ADGRE3: variants seen among roughly 807,000 people sequenced by gnomAD.
ADGRE3 encodes adhesion G protein-coupled receptor E3.
Under a neutral mutation model 80.1 loss-of-function variants are expected in ADGRE3, and 88 were observed. The observed-to-expected ratio is 1.10, with a 90% CI of 0.93 to 1.31. The LOEUF (loss-of-function observed/expected upper bound fraction) is 1.31. Ranked by LOEUF, ADGRE3 falls within the 40% of genes most tolerant of loss-of-function variation. The pLI is 0.00. For missense variants in ADGRE3, 715 were observed against 776.5 expected (o/e 0.92, Z 0.94); for synonymous variants, 281 against 294.8 (o/e 0.95, Z 0.48).
At chr19:14,641,025 A>G (rs993136226) in intron 10 of ADGRE3, among the ~76,000 whole-genome samples, 2 of 152,128 alleles carry the variant, frequency 1.3e-5, no homozygotes, top group African/African-American at 2.4e-5. Flanking sequence ...TGATACTAGT[A>G]AGCCTTTATC....
chr19:14,660,937 CTTTTT>C (rs35730102), intron 4 of ADGRE3, among the ~76,000 whole-genome samples: 1 of 83,482 alleles, frequency 1.2e-5, no homozygotes, highest in African/African-American at 4.7e-5. Flanking sequence ...GTCATATTTC[CTTTTT>C]TTTTTTTTTT....
intron 7 of ADGRE3, among the ~76,000 whole-genome samples, chr19:14,648,565 TCATTTTA>T: frequency 6.6e-6 from 1 of 152,330 alleles, no homozygotes; most frequent in Admixed American, 6.5e-5. Flanking sequence ...CTGTGATAGT[TCATTTTA>T]CATGTCCACT....
At chr19:14,643,077 C>T (rs1052930630) in intron 9 of ADGRE3, among the ~76,000 whole-genome samples, 1 of 151,746 alleles carries the variant, frequency 6.6e-6, no homozygotes. Context: ...TCTGCTACCT[C>T]ACCAGCATCT....
chr19:14,624,477 C>T (rs150355031), intron 15 of ADGRE3, among the ~76,000 whole-genome samples: 11 of 151,786 alleles, frequency 7.2e-5, no homozygotes, highest in East Asian at 1.9e-4. Context: ...AAATATAGGC[C>T]GGGTGTGGTG....
intron 10 of ADGRE3, 93 bp from the exon 11 acceptor site, chr19:14,638,433 C>T: frequency 5.8e-6 from 5 of 864,672 alleles, no homozygotes; most frequent in Non-Finnish European, 9.2e-6. Flanking sequence ...TTCAGAGCAC[C>T]TGACATCAGA....
chr19:14,600,831 T>C, the ADGRE3 span, among the ~76,000 whole-genome samples: 1,804 of 150,732 alleles, frequency 0.012, 33 homozygotes, highest in African/African-American at 0.041. Flanking sequence ...CCTCGTGATC[T>C]GCCCGCCTCG....
In ADGRE3 at chr19:14,663,503, G is replaced by C. The variant is rs775794636; in HGVS notation, c.114C>G (p.Val38=). 1 of 1,613,386 alleles carries C rather than the reference G, an allele frequency of 6.2e-7. No homozygotes were observed. Among genetic ancestry groups the C allele is most frequent in the South Asian group, 1.1e-5 (1 of 91,066 alleles). Residue 38 remains valine, a synonymous_variant, in exon 3 of 16, where the codon GTC becomes GTG. Transcript: ENST00000253673. ...GGTTGCAGGTGCAGTGAGTGTTATTGACACAGGAAGCATTTGGGGGGCACT... is the reference window on the plus strand; with the variant it reads ...GGTTGCAGGTGCAGTGAGTGTTATTCACACAGGAAGCATTTGGGGGGCACT... The part of the protein sequence containing the change: ...CAKCPPNASC[V]NNTHCTCNHG...
At chr19:14,664,164 G>T (rs1338259860) in intron 2 of ADGRE3, among the ~76,000 whole-genome samples, 1 of 152,106 alleles carries the variant, frequency 6.6e-6, no homozygotes, top group Non-Finnish European at 1.5e-5. Flanking sequence ...TTAGCCGGGT[G>T]TGGTGGCAGG....
intron 6 of ADGRE3, 81 bp downstream of exon 6, chr19:14,654,901 A>ATTTTTTTT: frequency 2.9e-6 from 3 of 1,042,282 alleles, no homozygotes; most frequent in African/African-American, 3.3e-5. Context: ...GGTGTATTCA[A>ATTTTTTTT]TTTTTTTTTT....
Position 14,630,214 on chromosome 19 carries a change from G to A in ADGRE3, c.1644-7C>T. 6.3e-7 allele frequency: 1 copy of A among 1,595,340 alleles called. No individual in the cohort carries two copies. The highest frequency in any genetic ancestry group is 8.5e-7 in the Non-Finnish European group (1 of 1,169,858). On this transcript the variant is annotated splice_polypyrimidine_tract_variant and splice_region_variant and intron_variant, in intron 13 of 15. Transcript: ENST00000253673. ...TGCTTTGAAAGCCAGCATCCTGGGA[G>A]GAGGAAGTCAGAGATTAGGATGTCA...
chr19:14,635,256 C>A (rs1032678323), intron 11 of ADGRE3, among the ~76,000 whole-genome samples: 1 of 151,850 alleles, frequency 6.6e-6, no homozygotes, highest in African/African-American at 2.4e-5. Context: ...ACCACCGTGT[C>A]CAGCTAATTA....
intron 14 of ADGRE3, among the ~76,000 whole-genome samples, chr19:14,627,191 C>T (rs1366697982): frequency 6.6e-6 from 1 of 152,132 alleles, no homozygotes; most frequent in Non-Finnish European, 1.5e-5. Context: ...AACCCCCACC[C>T]CAGTAATGAC....
intron 1 of ADGRE3, among the ~76,000 whole-genome samples, chr19:14,673,170 G>C (rs540215053): frequency 2.6e-5 from 4 of 152,348 alleles, no homozygotes; most frequent in African/African-American, 9.6e-5. Flanking sequence ...TTTAAGTGTA[G>C]CTTGTATTAT....
intron 15 of ADGRE3, among the ~76,000 whole-genome samples, chr19:14,620,461 T>TATATGTATCTTC (rs1970522554): frequency 7.3e-6 from 1 of 136,454 alleles, no homozygotes; most frequent in Non-Finnish European, 1.6e-5. Context: ...TATATGAATA[T>TATATGTATCTTC]ATGAATATAT....
chr19:14,608,628 ATTT>A, the ADGRE3 span, among the ~76,000 whole-genome samples: 186 of 119,716 alleles, frequency 1.6e-3, no homozygotes, highest in African/African-American at 5.2e-3. Flanking sequence ...ATGAGGAAGA[ATTT>A]TTTTTTTTTT....
At chr19:14,604,552 C>A in the ADGRE3 span, among the ~76,000 whole-genome samples, 1 of 152,114 alleles carries the variant, frequency 6.6e-6, no homozygotes, top group South Asian at 2.1e-4. Context: ...CACCTGAGGT[C>A]AGGAGTTTGA....
intron 1 of ADGRE3, among the ~76,000 whole-genome samples, chr19:14,670,263 C>G (rs1374109567): frequency 6.6e-6 from 1 of 152,076 alleles, no homozygotes; most frequent in Non-Finnish European, 1.5e-5. Context: ...TTTGGGCTTC[C>G]TTCAAACATG....
Position 14,670,824 on chromosome 19 carries a change from C to T in ADGRE3, c.26-1972G>A, listed in dbSNP as rs1415977743. Among the ~76,000 whole-genome samples the T allele has an allele frequency of 3.3e-5, 5 of 152,336 alleles. No homozygotes were observed. In the East Asian group the frequency reaches 5.8e-4, roughly 18 times the overall value. ...TCAGTGGCAGAGCTGAGGTTAAACA[C>T]GGGTTCTGGGTTCTAGCTGATAACC... On this transcript the variant is annotated intron_variant, in intron 1 of 15. Coordinates refer to ENST00000253673, the MANE Select transcript of ADGRE3 (RefSeq NM_032571.5).
the ADGRE3 span, among the ~76,000 whole-genome samples, chr19:14,607,403 C>T: frequency 1.7e-4 from 26 of 151,682 alleles, no homozygotes; most frequent in Non-Finnish European, 2.9e-4. Context: ...CGGGGTTTCA[C>T]CGTGTTAGCC....
Sources: gnomAD v4.1 joint callset for allele counts (sites outside exome capture counted in the v4.1 genomes callset) on GRCh38, gnomAD v4.1.1 for gene constraint, MANE v1.5 for transcripts, NCBI Gene and HGNC (gene_info 2026-07-23, HGNC 2026-07-21) for gene names.